COL28A1: variants seen among roughly 807,000 people sequenced by gnomAD.
COL28A1 encodes the protein collagen type XXVIII alpha 1 chain.
COL28A1 carries 161 observed loss-of-function variants against 150.2 expected under a neutral mutation model. The ratio of observed to expected loss-of-function variants is 1.07; its 90% CI spans 0.94 to 1.22. The LOEUF (loss-of-function observed/expected upper bound fraction) is 1.22, where lower values mean the gene tolerates loss of function less well. COL28A1 is among the 50% of genes most tolerant of loss of function. COL28A1 has a pLI of 0.00. For missense variants in COL28A1, 1,617 were observed against 1,388.3 expected (o/e 1.16, Z -2.62); for synonymous variants, 552 against 469.7 (o/e 1.18, Z -2.26).
chr7:7,439,497 C>T (rs938212182), intron 21 of COL28A1, among the ~76,000 whole-genome samples: 5 of 152,088 alleles, frequency 3.3e-5, no homozygotes, highest in South Asian at 4.1e-4. Flanking sequence ...AGGTCAATTA[C>T]TTTTATACCA....
intron 11 of COL28A1, among the ~76,000 whole-genome samples, chr7:7,498,115 C>T (rs1434302777): frequency 6.6e-6 from 1 of 151,942 alleles, no homozygotes; most frequent in East Asian, 1.9e-4. Context: ...TAGGTTTAAC[C>T]ACATAAAATT....
At chr7:7,440,992 C>T (rs1450011806) in intron 20 of COL28A1, 131 bp from the exon 21 acceptor site, 2 of 497,440 alleles carry the variant, frequency 4.0e-6, no homozygotes, top group Non-Finnish European at 3.6e-6. Flanking sequence ...GAGCACAGCT[C>T]AATTGCGCAG....
intron 27 of COL28A1, among the ~76,000 whole-genome samples, chr7:7,387,222 G>A (rs187008295): frequency 6.6e-6 from 1 of 152,280 alleles, no homozygotes; most frequent in African/African-American, 2.4e-5. Flanking sequence ...GATCTTTAGA[G>A]ATGCCCTACT....
chr7:7,417,818 G>A, intron 27 of COL28A1, 41 bp downstream of exon 27: 1 of 1,524,908 alleles, frequency 6.6e-7, no homozygotes, highest in South Asian at 1.1e-5. Flanking sequence ...AATCACTCTG[G>A]TGAAATCAGA....
the COL28A1 span, among the ~76,000 whole-genome samples, chr7:7,348,692 C>T: frequency 1.3e-5 from 2 of 151,500 alleles, no homozygotes; most frequent in East Asian, 1.9e-4. Context: ...TTAAGGTGGA[C>T]GCTTAAGTCA....
intron 34 of COL28A1, among the ~76,000 whole-genome samples, chr7:7,359,961 A>G (rs1780557964): frequency 6.6e-6 from 1 of 152,220 alleles, no homozygotes; most frequent in South Asian, 2.1e-4. Flanking sequence ...AACTCCATAG[A>G]AAATATGTTA....
At chr7:7,522,821 A>C (rs1208880828) in intron 4 of COL28A1, among the ~76,000 whole-genome samples, 1 of 32,226 alleles carries the variant, frequency 3.1e-5, no homozygotes, top group Non-Finnish European at 1.2e-4. Context: ...AAAAAAAAAA[A>C]AAAAAAAAAA....
upstream of COL28A1, among the ~76,000 whole-genome samples, chr7:7,537,545 C>G (rs998554064): frequency 1.3e-5 from 2 of 152,184 alleles, no homozygotes; most frequent in African/African-American, 4.8e-5. Context: ...AACTTGTCCG[C>G]TGTCATACTA....
chr7:7,510,305 G>C (rs958346572), intron 9 of COL28A1, among the ~76,000 whole-genome samples: 1 of 150,576 alleles, frequency 6.6e-6, no homozygotes, highest in African/African-American at 2.5e-5. Flanking sequence ...ATTGATTTTT[G>C]AGACGGAGTC....
chr7:7,435,045 G>A (rs1785242829), intron 23 of COL28A1, among the ~76,000 whole-genome samples: 1 of 152,156 alleles, frequency 6.6e-6, no homozygotes, highest in Admixed American at 6.5e-5. Context: ...AAGAACAACA[G>A]AAAGAGTATC....
chr7:7,504,443 T>C (rs563522150), intron 11 of COL28A1, among the ~76,000 whole-genome samples: 1 of 152,220 alleles, frequency 6.6e-6, no homozygotes, highest in East Asian at 1.9e-4. Context: ...CAAGTTGCAG[T>C]TGGTTATGAT....
chr7:7,404,443 C>T (rs1251983442), intron 27 of COL28A1, among the ~76,000 whole-genome samples: 1 of 152,086 alleles, frequency 6.6e-6, no homozygotes. Context: ...TAGGCCCACC[C>T]CAAATTCACT....
At chr7:7,400,034 G>A (rs187187692) in intron 27 of COL28A1, among the ~76,000 whole-genome samples, 62 of 152,324 alleles carry the variant, frequency 4.1e-4, no homozygotes, top group Non-Finnish European at 7.8e-4. Context: ...TCCATAAAAG[G>A]TTGTATGCTT....
chr7:7,380,483 TAGTC>T (rs1377474001), intron 30 of COL28A1, among the ~76,000 whole-genome samples, 173 bp downstream of exon 30: 5 of 152,104 alleles, frequency 3.3e-5, no homozygotes, highest in Non-Finnish European at 7.4e-5. Flanking sequence ...TCTCCCCTCA[TAGTC>T]AGATTCAATT....
rs141594345 is a variant in COL28A1 at position 7,405,275 on chromosome 7, C to T, written c.2136+12584G>A. ...ACCCTGGCAAAGAGTGTGTGTACAC[C>T]GTTATTTAAGTATATACATAGCAGG... On this transcript the variant is annotated intron_variant, in intron 27 of 34. Coordinates refer to ENST00000399429, the MANE Select transcript of COL28A1 (RefSeq NM_001037763.3). Among the ~76,000 whole-genome samples the T allele has an allele frequency of 1.0e-3, 155 of 152,074 alleles. 3 individuals are homozygous for T. In the East Asian group the frequency reaches 0.023, roughly 23 times the overall value.
chr7:7,495,871 G>A (rs749268072), intron 11 of COL28A1, among the ~76,000 whole-genome samples: 8 of 151,980 alleles, frequency 5.3e-5, no homozygotes, highest in Non-Finnish European at 8.8e-5. Flanking sequence ...ACCTTCTGAG[G>A]CCTTTCCCAA....
chr7:7,387,584 T>C (rs1014000299), intron 27 of COL28A1, among the ~76,000 whole-genome samples: 2 of 151,166 alleles, frequency 1.3e-5, no homozygotes, highest in African/African-American at 2.5e-5. Flanking sequence ...AAAAATAATA[T>C]GACACAGACA....
intron 18 of COL28A1, among the ~76,000 whole-genome samples, chr7:7,448,472 T>A (rs755163173): frequency 6.6e-6 from 1 of 150,478 alleles, no homozygotes; most frequent in African/African-American, 2.5e-5. Context: ...AAGCAAAGAT[T>A]TTTTTTTTGG....
At chr7:7,355,934 GAACTT>G (rs1439310645), downstream of COL28A1, among the ~76,000 whole-genome samples, 1 of 152,052 alleles carries the variant, frequency 6.6e-6, no homozygotes, top group African/African-American at 2.4e-5. Flanking sequence ...TGAAATAGGA[GAACTT>G]AACTGATCAT....
Sources: gnomAD v4.1 joint callset for allele counts (sites outside exome capture counted in the v4.1 genomes callset) on GRCh38, gnomAD v4.1.1 for gene constraint, MANE v1.5 for transcripts, NCBI Gene and HGNC (gene_info 2026-07-23, HGNC 2026-07-21) for gene names.